Variants in LARP4B observed in about 807,000 individuals in gnomAD.
LARP4B encodes the protein La ribonucleoprotein 4B, also known as la-related protein 4B.
In LARP4B, 12 loss-of-function variants were observed where a neutral mutation model predicts 89.8. That is an observed-to-expected ratio of 0.13 (90% CI 0.09 to 0.22). The LOEUF is 0.22. Among genes scored for constraint, LARP4B ranks in the 10% least tolerant of loss-of-function variants. The probability of loss-of-function intolerance (pLI) is 1.00; values close to 1 mark genes in which losing one functional copy is unlikely to be tolerated. For missense variants in LARP4B, 757 were observed against 947.7 expected (o/e 0.80, Z 2.64); for synonymous variants, 367 against 363.3 (o/e 1.01, Z -0.12).
At chr10:975,290 C>T in the LARP4B span, among the ~76,000 whole-genome samples, 2 of 152,184 alleles carry the variant, frequency 1.3e-5, no homozygotes, top group African/African-American at 4.8e-5. Flanking sequence ...CGTGGTGTCC[C>T]GAGCACACGT....
intron 14 of LARP4B, chr10:819,136 AGCTCTAAGTTACACATG>A (rs1333999871): frequency 6.6e-6 from 1 of 152,254 alleles, no homozygotes; most frequent in Non-Finnish European, 1.5e-5. Context: ...GATCCTGCAA[AGCTCTAAGTTACACATG>A]GCCACTATGA....
intron 1 of LARP4B, among the ~76,000 whole-genome samples, chr10:914,460 C>T (rs1836761927): frequency 6.6e-6 from 1 of 151,700 alleles, no homozygotes; most frequent in Non-Finnish European, 1.5e-5. Flanking sequence ...GATCACGCCA[C>T]TGCACTCCAG....
At chr10:887,040 T>C (rs764939724) in intron 1 of LARP4B, among the ~76,000 whole-genome samples, 11 of 152,024 alleles carry the variant, frequency 7.2e-5, no homozygotes, top group Admixed American at 2.6e-4. Context: ...TGAGCTGAGA[T>C]AGTGCCATTG....
the LARP4B span, among the ~76,000 whole-genome samples, chr10:955,224 G>A: frequency 2.0e-5 from 3 of 152,316 alleles, no homozygotes; most frequent in East Asian, 3.9e-4. The surrounding 1 kb of genome is among the most constrained non-coding windows in gnomAD (Gnocchi z 5.2). Context: ...TGAGGTGGTG[G>A]AGGTAACACC....
intron 3 of LARP4B, among the ~76,000 whole-genome samples, chr10:883,325 G>A (rs1272342107): frequency 6.6e-6 from 1 of 151,902 alleles, no homozygotes; most frequent in Non-Finnish European, 1.5e-5. Flanking sequence ...CAGCCTGACC[G>A]ACATGGTGAA....
intron 3 of LARP4B, among the ~76,000 whole-genome samples, chr10:873,811 G>C (rs2131889720): frequency 6.6e-6 from 1 of 152,336 alleles, no homozygotes; most frequent in East Asian, 1.9e-4. Flanking sequence ...GCATGCTGAA[G>C]TATCTGGGAT....
At chr10:809,027 G>C (rs2131577685), downstream of LARP4B, 1 of 152,228 alleles carries the variant, frequency 6.6e-6, no homozygotes, top group South Asian at 2.1e-4. Context: ...GTAAAAATGG[G>C]AAGACGACAT....
At chr10:911,126 G>A (rs1261034467) in intron 1 of LARP4B, among the ~76,000 whole-genome samples, 6 of 152,210 alleles carry the variant, frequency 3.9e-5, no homozygotes, top group Non-Finnish European at 8.8e-5. Flanking sequence ...CCTAACACAG[G>A]ACAGTTGTGA....
chr10:893,352 T>C (rs1836093427), intron 1 of LARP4B, among the ~76,000 whole-genome samples: 1 of 152,204 alleles, frequency 6.6e-6, no homozygotes, highest in Admixed American at 6.5e-5. Context: ...CAGGATAAAG[T>C]TGATAAGAAT....
intron 3 of LARP4B, among the ~76,000 whole-genome samples, chr10:874,543 A>C (rs1835382454): frequency 6.6e-6 from 1 of 152,146 alleles, no homozygotes. Flanking sequence ...CTAACTGTGG[A>C]CTCACATAAT....
At chr10:910,380 T>C (rs1049988526) in intron 1 of LARP4B, among the ~76,000 whole-genome samples, 1 of 152,210 alleles carries the variant, frequency 6.6e-6, no homozygotes, top group African/African-American at 2.4e-5. Context: ...ACATACGTGA[T>C]GTAAGACAGC....
intron 1 of LARP4B, among the ~76,000 whole-genome samples, chr10:914,038 G>A (rs1270646097): frequency 6.6e-6 from 1 of 152,074 alleles, no homozygotes; most frequent in African/African-American, 2.4e-5. Context: ...TAATTAACAG[G>A]TAATCATAAA....
chr10:849,466 C>T (rs2131768130), intron 5 of LARP4B, among the ~76,000 whole-genome samples: 1 of 152,246 alleles, frequency 6.6e-6, no homozygotes, highest in Non-Finnish European at 1.5e-5. Context: ...AAGTATAAAA[C>T]AAACATTCTG....
chr10:918,354 C>T lies in LARP4B; in HGVS notation c.-40+13074G>A, dbSNP rs571376310. On this transcript the variant is annotated intron_variant, in intron 1 of 17. Coordinates refer to ENST00000316157, the MANE Select transcript of LARP4B (RefSeq NM_015155.3). ...ATCACAAAAAGAGTTTCAGACAGGC[C>T]GGGGATGATGGCACATGCCTGTAAT... Among the ~76,000 whole-genome samples the T allele has an allele frequency of 7.9e-5, 12 of 152,172 alleles. No individual in the cohort carries two copies. In the East Asian group the frequency reaches 1.7e-3, roughly 22 times the overall value.
chr10:825,387 A>G, intron 12 of LARP4B, 71 bp from the exon 13 acceptor site: 1 of 1,461,578 alleles, frequency 6.8e-7, no homozygotes, highest in Non-Finnish European at 9.4e-7. Context: ...GCATACTGAC[A>G]TGGAATAGCT....
In LARP4B at chr10:814,159, CT is replaced by C. The variant is rs548236095; in HGVS notation, c.1929+582del. On this transcript the variant is annotated intron_variant, in intron 17 of 17. Coordinates refer to ENST00000316157, the MANE Select transcript of LARP4B (RefSeq NM_015155.3). The surrounding 1 kb of genome is among the most constrained non-coding windows in gnomAD (Gnocchi z 4.4). The stretch of plus-strand genomic sequence containing the variant: ...TATTAATTTTAACCTATAAAAAATC[CT>C]TTTTTAGACTCAGCCCAGGGGACAG... Among the ~76,000 whole-genome samples, 172 of 151,614 alleles carry C rather than the reference CT, an allele frequency of 1.1e-3. No individual in the cohort carries two copies. Among genetic ancestry groups the C allele is most frequent in the African/African-American group, 3.9e-3 (163 of 41,344 alleles).
the LARP4B span, among the ~76,000 whole-genome samples, chr10:945,199 C>A: frequency 1.9e-3 from 279 of 150,314 alleles, no homozygotes; most frequent in African/African-American, 5.9e-3. Context: ...GCCTGGCCAA[C>A]ATGGTGAAAC....
chr10:948,484 G>A, the LARP4B span, among the ~76,000 whole-genome samples: 2 of 152,176 alleles, frequency 1.3e-5, no homozygotes, highest in Non-Finnish European at 2.9e-5. Flanking sequence ...CTGACCTTAG[G>A]TGATCCACCC....
chr10:812,769 G>A lies in LARP4B; in HGVS notation c.*157C>T. 1.9e-6 allele frequency: 1 copy of A among 521,078 alleles called. No individual in the cohort carries two copies. Among genetic ancestry groups the A allele is most frequent in the Non-Finnish European group, 3.0e-6 (1 of 328,382 alleles). 32.3% of individuals were successfully genotyped at this position (521,078 alleles called of 1,614,324 possible). Reference sequence around the variant, plus strand: ...TGAAAAATCGATTTTTTTTCAAGAGGGGGAGAATCCAACTCACAGAAGAAA... The same window carrying A: ...TGAAAAATCGATTTTTTTTCAAGAGAGGGAGAATCCAACTCACAGAAGAAA... On this transcript the variant is annotated 3_prime_UTR_variant, in exon 18 of 18. Transcript: ENST00000316157.
Sources: gnomAD v4.1 joint callset for allele counts (sites outside exome capture counted in the v4.1 genomes callset) on GRCh38, gnomAD v4.1.1 for gene constraint, Gnocchi (gnomAD v3.1) non-coding constraint, MANE v1.5 for transcripts, NCBI Gene and HGNC (gene_info 2026-07-23, HGNC 2026-07-21) for gene names.